AKAP19: variants seen among roughly 807,000 people sequenced by gnomAD.
The protein encoded by AKAP19 is A-kinase anchoring protein 19.
chr2:190,007,034 A>G, the AKAP19 span, among the ~76,000 whole-genome samples: 3 of 152,218 alleles, frequency 2.0e-5, no homozygotes, highest in African/African-American at 4.8e-5. Context: ...GAAGAAAAAA[A>G]GAATTTAAAC....
the AKAP19 span, among the ~76,000 whole-genome samples, chr2:190,019,358 T>G: frequency 6.6e-6 from 1 of 151,944 alleles, no homozygotes; most frequent in Non-Finnish European, 1.5e-5. Flanking sequence ...TTTGCCAAAA[T>G]GGGCTGTGGA....
At chr2:190,199,724 A>G in the AKAP19 span, 2 of 1,483,858 alleles carry the variant, frequency 1.3e-6, no homozygotes, top group African/African-American at 1.4e-5. Flanking sequence ...AGAGTGGTGA[A>G]AGGGAACATT....
At chr2:190,108,836 G>C in the AKAP19 span, among the ~76,000 whole-genome samples, 6 of 149,288 alleles carry the variant, frequency 4.0e-5, no homozygotes, top group African/African-American at 4.9e-5. Context: ...TTCCATAAAG[G>C]CCTCATTTGA....
At chr2:189,952,551 C>T in the AKAP19 span, among the ~76,000 whole-genome samples, 1 of 152,012 alleles carries the variant, frequency 6.6e-6, no homozygotes, top group Non-Finnish European at 1.5e-5. Flanking sequence ...ATCTGTTCTC[C>T]TATATGAGAA....
At chr2:190,115,260 CATATATATATATATATATATATAT>C in the AKAP19 span, among the ~76,000 whole-genome samples, 439 of 11,168 alleles carry the variant, frequency 0.039, 24 homozygotes, top group African/African-American at 0.042. Flanking sequence ...AGGCAAGAAG[CATATATATATATATATATATATAT>C]ATATATATAT....
At chr2:190,124,024 C>G in the AKAP19 span, among the ~76,000 whole-genome samples, 1 of 152,200 alleles carries the variant, frequency 6.6e-6, no homozygotes, top group African/African-American at 2.4e-5. Context: ...ACACCAGCAG[C>G]CTCCCTGATT....
chr2:190,026,481 G>A, the AKAP19 span, among the ~76,000 whole-genome samples: 1 of 152,278 alleles, frequency 6.6e-6, no homozygotes, highest in Admixed American at 6.5e-5. Context: ...ATGTTAGAAG[G>A]GTGGGAGAAG....
the AKAP19 span, among the ~76,000 whole-genome samples, chr2:190,018,101 G>A: frequency 6.6e-6 from 1 of 151,958 alleles, no homozygotes; most frequent in East Asian, 1.9e-4. Flanking sequence ...ATTTTTGATA[G>A]TTTGATTCTT....
At chr2:189,945,274 C>A in the AKAP19 span, among the ~76,000 whole-genome samples, 1 of 152,052 alleles carries the variant, frequency 6.6e-6, no homozygotes, top group African/African-American at 2.4e-5. Flanking sequence ...GAGACCAAAA[C>A]AAAACAAAAC....
the AKAP19 span, among the ~76,000 whole-genome samples, chr2:189,896,416 A>G: frequency 1.1e-4 from 16 of 152,218 alleles, no homozygotes; most frequent in Non-Finnish European, 8.8e-5. Flanking sequence ...TCTTTGTGTC[A>G]TGGCTTTCTA....
At chr2:190,134,388 A>G in the AKAP19 span, among the ~76,000 whole-genome samples, 1 of 152,158 alleles carries the variant, frequency 6.6e-6, no homozygotes, top group Non-Finnish European at 1.5e-5. Flanking sequence ...TTAACATAGA[A>G]CTGGTTGGTT....
At chr2:190,038,901 T>TTTCTTTCTTTCTTCTTC in the AKAP19 span, among the ~76,000 whole-genome samples, 87 of 45,982 alleles carry the variant, frequency 1.9e-3, 1 homozygote, top group African/African-American at 5.1e-3. Context: ...TCTTTCTTTC[T>TTTCTTTCTTTCTTCTTC]TTCTTCTTCT....
chr2:190,065,890 C>T, the AKAP19 span, among the ~76,000 whole-genome samples: 2 of 152,100 alleles, frequency 1.3e-5, no homozygotes, highest in African/African-American at 2.4e-5. Context: ...GTGATTGCAA[C>T]CTTCCTGAGG....
chr2:190,143,302 G>T, the AKAP19 span, among the ~76,000 whole-genome samples: 1 of 89,240 alleles, frequency 1.1e-5, no homozygotes, highest in African/African-American at 3.7e-5. Flanking sequence ...AAAAAAAAAA[G>T]CAACACTGAA....
chr2:189,924,238 T>A, the AKAP19 span: 1 of 1,443,374 alleles, frequency 6.9e-7, no homozygotes, highest in South Asian at 1.1e-5. Flanking sequence ...GGTTTAGAAA[T>A]CTTATCCCAT....
At chr2:190,059,537 AC>A in the AKAP19 span, among the ~76,000 whole-genome samples, 1 of 152,068 alleles carries the variant, frequency 6.6e-6, no homozygotes, top group African/African-American at 2.4e-5. Flanking sequence ...ATCTTGAGAA[AC>A]CTTAAATATA....
the AKAP19 span, among the ~76,000 whole-genome samples, chr2:189,911,998 T>G: frequency 6.6e-6 from 1 of 152,080 alleles, no homozygotes; most frequent in African/African-American, 2.4e-5. Context: ...TACTTTAATA[T>G]ATATGTATAT....
the AKAP19 span, among the ~76,000 whole-genome samples, chr2:189,889,722 G>A: frequency 6.6e-6 from 1 of 152,158 alleles, no homozygotes; most frequent in Non-Finnish European, 1.5e-5. Flanking sequence ...GCATAGAGTT[G>A]TTTATAGTAT....
At chr2:190,119,687 C>T in the AKAP19 span, among the ~76,000 whole-genome samples, 13,396 of 152,080 alleles carry the variant, frequency 0.088, 611 homozygotes, top group Middle Eastern at 0.15. Context: ...ACCCTTTTTT[C>T]CTCTCTATCT....
Sources: allele counts gnomAD v4.1 joint callset (sites outside exome capture counted in the v4.1 genomes callset), GRCh38; gene constraint gnomAD v4.1.1; transcripts MANE v1.5; gene names NCBI Gene and HGNC (gene_info 2026-07-23, HGNC 2026-07-21).